RAB3IP: variants seen among roughly 807,000 people sequenced by gnomAD.
RAB3IP encodes the protein RAB3A interacting protein.
Under a neutral mutation model 59.1 loss-of-function variants are expected in RAB3IP, and 36 were observed. The observed-to-expected ratio is 0.61, with a 90% CI of 0.47 to 0.80. The LOEUF (loss-of-function observed/expected upper bound fraction) is 0.80. RAB3IP is among the 30% of genes least tolerant of loss of function. The pLI is 0.00. For synonymous variants in RAB3IP, 207 were observed against 191.2 expected (o/e 1.08, Z -0.68); for missense variants, 511 against 536.0 (o/e 0.95, Z 0.46).
At chr12:69,768,976 A>G (rs148378406) in intron 3 of RAB3IP, among the ~76,000 whole-genome samples, 99 of 152,102 alleles carry the variant, frequency 6.5e-4, no homozygotes, top group African/African-American at 2.2e-3. Flanking sequence ...ACCCTGTGGG[A>G]GGTAATTGAA....
At chr12:69,763,502 C>G (rs1871702182) in intron 3 of RAB3IP, among the ~76,000 whole-genome samples, 1 of 152,130 alleles carries the variant, frequency 6.6e-6, no homozygotes, top group African/African-American at 2.4e-5. Flanking sequence ...GTAGCCATTG[C>G]TTTGATTGTA....
intron 4 of RAB3IP, among the ~76,000 whole-genome samples, chr12:69,789,736 G>A (rs901163087): frequency 6.6e-6 from 1 of 152,154 alleles, no homozygotes; most frequent in Non-Finnish European, 1.5e-5. Context: ...ATTATACACT[G>A]TGATCAAATG....
intron 4 of RAB3IP, among the ~76,000 whole-genome samples, chr12:69,792,515 G>A (rs751790281): frequency 2.8e-4 from 43 of 152,132 alleles, no homozygotes; most frequent in Admixed American, 5.9e-4. Context: ...AAAGTTTACC[G>A]ACTCCTGGTA....
At chr12:69,783,067 T>A (rs987328426) in intron 3 of RAB3IP, among the ~76,000 whole-genome samples, 5 of 152,228 alleles carry the variant, frequency 3.3e-5, no homozygotes, top group African/African-American at 1.2e-4. Flanking sequence ...TGTAGGTGAC[T>A]TGGCTTTGTA....
At chr12:69,751,536 A>G (rs1216307645) in intron 1 of RAB3IP, among the ~76,000 whole-genome samples, 1 of 152,084 alleles carries the variant, frequency 6.6e-6, no homozygotes, top group Non-Finnish European at 1.5e-5. Context: ...GGCCTCTAGG[A>G]TTTAAATTCT....
At chr12:69,766,814 C>T (rs1208176851) in intron 3 of RAB3IP, among the ~76,000 whole-genome samples, 2 of 152,184 alleles carry the variant, frequency 1.3e-5, no homozygotes, top group African/African-American at 4.8e-5. Flanking sequence ...GCATGAGCCA[C>T]CATGCCCGGT....
chr12:69,739,779 G>T lies in RAB3IP; in HGVS notation c.-26+748G>T. 5 of 1,597,630 alleles carry T rather than the reference G, an allele frequency of 3.1e-6. No individual in the cohort carries two copies. The South Asian group carries it at 5.5e-5, about 18-fold the overall frequency. Reference sequence around the variant, plus strand: ...CTCGCCCCGACCGCCCAGGAAGCGCGAGCTTACTGGCTCCAGAAGTGATGA... The same window carrying T: ...CTCGCCCCGACCGCCCAGGAAGCGCTAGCTTACTGGCTCCAGAAGTGATGA... On this transcript the variant is annotated intron_variant, in intron 1 of 10. Transcript: ENST00000247833.
chr12:69,763,491 G>A (rs773563324), intron 3 of RAB3IP, among the ~76,000 whole-genome samples: 3 of 152,066 alleles, frequency 2.0e-5, no homozygotes, highest in Non-Finnish European at 4.4e-5. Flanking sequence ...TCCACCTCTT[G>A]GTAGCCATTG....
upstream of RAB3IP, chr12:69,738,298 T>A (rs1886873484): frequency 6.6e-6 from 1 of 151,880 alleles, no homozygotes; most frequent in African/African-American, 2.4e-5. Context: ...TAAAGTGGGG[T>A]AGAAGTTTGA....
At chr12:69,787,947 G>C (rs560728197) in intron 4 of RAB3IP, among the ~76,000 whole-genome samples, 77 of 151,706 alleles carry the variant, frequency 5.1e-4, no homozygotes, top group Non-Finnish European at 1.0e-3. Context: ...AGTTTTAAAA[G>C]GTAAAACAAT....
intron 3 of RAB3IP, among the ~76,000 whole-genome samples, chr12:69,763,648 G>A (rs563305809): frequency 3.6e-4 from 54 of 152,072 alleles, no homozygotes; most frequent in Middle Eastern, 3.4e-3. Context: ...GGGGGTATAT[G>A]TGCAGGTATA....
intron 3 of RAB3IP, among the ~76,000 whole-genome samples, chr12:69,772,604 A>G (rs1873322779): frequency 6.6e-6 from 1 of 152,182 alleles, no homozygotes; most frequent in South Asian, 2.1e-4. Flanking sequence ...CATGAGGCTT[A>G]CAAAAAACAT....
chr12:69,756,418 G>T lies in RAB3IP; in HGVS notation c.265G>T (p.Asp89Tyr). The change falls in exon 3 of 11, where the codon GAC becomes TAC. Residue 89 changes from aspartate (D) to tyrosine (Y), a missense_variant. Asp to Tyr is a radical substitution (Grantham distance 160). Transcript: ENST00000247833. Reference sequence around the variant, plus strand: ...TCTCCTTTACAGCTTTCATGTTACAGACCCAGCCCCTTGCTCTACCTCTGG... The same window carrying T: ...TCTCCTTTACAGCTTTCATGTTACATACCCAGCCCCTTGCTCTACCTCTGG... ...EISSISFHVT[D>Y]PAPCSTSGVT... 1 of 1,613,834 alleles carries T rather than the reference G, an allele frequency of 6.2e-7. No homozygotes were observed. The highest frequency in any genetic ancestry group is 1.1e-5 in the South Asian group (1 of 90,976).
At chr12:69,789,702 C>A (rs1281197371) in intron 4 of RAB3IP, among the ~76,000 whole-genome samples, 1 of 152,012 alleles carries the variant, frequency 6.6e-6, no homozygotes, top group African/African-American at 2.4e-5. Context: ...GTTAGAAAAT[C>A]AAATTCAGTA....
rs957315176 is a variant in RAB3IP, at chr12:69,818,030, C to A, written c.*2584C>A. The A allele has an allele frequency of 4.8e-5, 7 of 146,946 alleles. No individual in the cohort carries two copies. In the East Asian group the frequency reaches 1.4e-3, roughly 29 times the overall value. 9.1% of individuals were successfully genotyped at this position (146,946 alleles called of 1,614,324 possible). ...TAAATCAAGATGACAATGACATGTT[C>A]AAATTCATTCGATTGGTGAAAATGA... is the stretch of plus-strand genomic sequence containing the variant. On this transcript the variant is annotated 3_prime_UTR_variant, in exon 11 of 11. Transcript: ENST00000247833.
chr12:69,751,670 T>G (rs1038985688), intron 1 of RAB3IP, among the ~76,000 whole-genome samples: 2 of 152,178 alleles, frequency 1.3e-5, no homozygotes, highest in African/African-American at 4.8e-5. Flanking sequence ...TTACTACTGT[T>G]ATTAACATTG....
rs1878405420 is a variant in RAB3IP at position 69,801,673 on chromosome 12, A to G, written c.1082A>G (p.Gln361Arg). ...CTAAGCATTGAACCAGTGGGATTAC[A>G]ACCTATCCGGTTTGTGAAAGCTTCT... ...NTLSIEPVGL[Q>R]PIRFVKASAV... The change falls in exon 8 of 11, where the codon CAA becomes CGA. Residue 361 changes from glutamine (Q) to arginine (R), a missense_variant. Physicochemically the swap from Gln to Arg is conservative, Grantham distance 43. Coordinates refer to ENST00000247833, the MANE Select transcript of RAB3IP (RefSeq NM_022456.5). 7 of 1,613,258 alleles carry G rather than the reference A, an allele frequency of 4.3e-6. No homozygotes were observed. The highest frequency in any genetic ancestry group is 1.7e-4 in the Middle Eastern group (1 of 6,048).
At chr12:69,781,763 C>G (rs986987986) in intron 3 of RAB3IP, among the ~76,000 whole-genome samples, 1 of 152,188 alleles carries the variant, frequency 6.6e-6, no homozygotes, top group African/African-American at 2.4e-5. Context: ...ACAGTGTATT[C>G]ATTCACCTAG....
At chr12:69,806,389 T>G (rs1879271533) in intron 8 of RAB3IP, among the ~76,000 whole-genome samples, 2 of 152,106 alleles carry the variant, frequency 1.3e-5, no homozygotes, top group Non-Finnish European at 2.9e-5. Context: ...TTCTCTCTTT[T>G]CTTCTTTATT....
Sources: gnomAD v4.1 joint callset for allele counts (sites outside exome capture counted in the v4.1 genomes callset) on GRCh38, gnomAD v4.1.1 for gene constraint, MANE v1.5 for transcripts, NCBI Gene and HGNC (gene_info 2026-07-23, HGNC 2026-07-21) for gene names.